Variants in C12orf54 observed in about 807,000 individuals in gnomAD.
C12orf54 encodes uncharacterized protein C12orf54.
In C12orf54, 24 loss-of-function variants were observed where a neutral mutation model predicts 26.4. The ratio of observed to expected loss-of-function variants is 0.91; its 90% CI spans 0.66 to 1.28. C12orf54 has a LOEUF of 1.28. Ranked by LOEUF, C12orf54 falls within the 50% of genes most tolerant of loss-of-function variation. The pLI is 0.00. For missense variants in C12orf54, 154 were observed against 150.9 expected (o/e 1.02, Z -0.11); for synonymous variants, 54 against 47.0 (o/e 1.15, Z -0.61).
chr12:48,489,383 C>T (rs1297032744), intron 5 of C12orf54: 3 of 294,880 alleles, frequency 1.0e-5, no homozygotes, highest in Non-Finnish European at 2.0e-5. Context: ...TCTTCCTCTG[C>T]TCTCCTCGGC....
At chr12:48,477,382 G>A in the C12orf54 span, among the ~76,000 whole-genome samples, 1 of 152,060 alleles carries the variant, frequency 6.6e-6, no homozygotes, top group African/African-American at 2.4e-5. Flanking sequence ...CAGAAGGCAA[G>A]AAATAACAAA....
intron 7 of C12orf54, among the ~76,000 whole-genome samples, chr12:48,493,627 TAAAAAAA>T (rs10535607): frequency 3.0e-4 from 37 of 124,334 alleles, no homozygotes; most frequent in Non-Finnish European, 4.6e-4. Context: ...ACTGTCTCAT[TAAAAAAA>T]AAAAAAAAAA....
At chr12:48,452,837 AT>A in the C12orf54 span, among the ~76,000 whole-genome samples, 1 of 152,168 alleles carries the variant, frequency 6.6e-6, no homozygotes, top group African/African-American at 2.4e-5. Flanking sequence ...ATTATTAAAA[AT>A]AACAGAACTA....
chr12:48,438,291 G>C, the C12orf54 span, among the ~76,000 whole-genome samples: 1 of 152,182 alleles, frequency 6.6e-6, no homozygotes, highest in Non-Finnish European at 1.5e-5. Context: ...ATGCTCATTG[G>C]TAGGAAGAAT....
At chr12:48,481,392 A>G (rs4760712), upstream of C12orf54, among the ~76,000 whole-genome samples, 22,385 of 151,888 alleles carry the variant, frequency 0.15, 2,864 homozygotes, top group East Asian at 0.66. Flanking sequence ...ATTATGATGG[A>G]AATGGCCCTG....
At chr12:48,418,038 G>T in the C12orf54 span, among the ~76,000 whole-genome samples, 1 of 152,116 alleles carries the variant, frequency 6.6e-6, no homozygotes. Context: ...AATTTAGATA[G>T]AAAACAGACC....
chr12:48,486,637 T>C lies in C12orf54; in HGVS notation c.97-51T>C, dbSNP rs370743498. On this transcript the variant is annotated intron_variant, in intron 3 of 8. Transcript: ENST00000548364. ...CAGTTTCATAATGTGTCACTTCAGATTCTGGGAGAGTTGGGATATTGTTTC... is the reference window on the plus strand; with the variant it reads ...CAGTTTCATAATGTGTCACTTCAGACTCTGGGAGAGTTGGGATATTGTTTC... 300 of 1,553,152 alleles carry C rather than the reference T, an allele frequency of 1.9e-4. No individual in the cohort carries two copies. The African/African-American group carries it at 3.7e-3, about 19-fold the overall frequency.
intron 7 of C12orf54, 99 bp downstream of exon 7, chr12:48,493,094 C>A: frequency 1.8e-6 from 2 of 1,118,678 alleles, no homozygotes; most frequent in Non-Finnish European, 1.3e-6. Context: ...CTTGAGCCTT[C>A]AGAAGCCTGT....
At chr12:48,449,494 C>G in the C12orf54 span, among the ~76,000 whole-genome samples, 1 of 152,048 alleles carries the variant, frequency 6.6e-6, no homozygotes, top group Non-Finnish European at 1.5e-5. Flanking sequence ...GGCCATGACT[C>G]CCCAGACTGC....
intron 6 of C12orf54, 81 bp from the exon 7 acceptor site, chr12:48,492,866 A>T (rs957650505): frequency 2.3e-6 from 3 of 1,293,820 alleles, no homozygotes; most frequent in African/African-American, 1.5e-5. Context: ...CTATACTTCA[A>T]ATCAAGGATG....
At chr12:48,493,861 T>C (rs1402318340) in intron 7 of C12orf54, among the ~76,000 whole-genome samples, 1 of 151,340 alleles carries the variant, frequency 6.6e-6, no homozygotes, top group Non-Finnish European at 1.5e-5. Context: ...GAAATAGGAC[T>C]AGGTAGTCAA....
chr12:48,488,271 G>T, intron 4 of C12orf54: 1 of 596,048 alleles, frequency 1.7e-6, no homozygotes, highest in Non-Finnish European at 3.1e-6. Flanking sequence ...TAAAGGTCTG[G>T]AGGATTAGCG....
the C12orf54 span, among the ~76,000 whole-genome samples, chr12:48,423,175 A>G: frequency 6.6e-6 from 1 of 152,170 alleles, no homozygotes; most frequent in African/African-American, 2.4e-5. Flanking sequence ...AGAAGAGAAC[A>G]TGTAGACAAC....
chr12:48,449,288 T>A, the C12orf54 span, among the ~76,000 whole-genome samples: 34 of 152,326 alleles, frequency 2.2e-4, no homozygotes, highest in African/African-American at 7.7e-4. Flanking sequence ...TAATAGAGAT[T>A]CTTTACAGAT....
the C12orf54 span, among the ~76,000 whole-genome samples, chr12:48,419,235 G>T: frequency 1.3e-5 from 2 of 152,108 alleles, no homozygotes; most frequent in African/African-American, 4.8e-5. Context: ...CAGGATATAC[G>T]AAAATAAACA....
chr12:48,434,148 T>A, the C12orf54 span, among the ~76,000 whole-genome samples: 1 of 152,108 alleles, frequency 6.6e-6, no homozygotes, highest in Non-Finnish European at 1.5e-5. Context: ...CCTACACCCA[T>A]GGAGCCTCGC....
the C12orf54 span, among the ~76,000 whole-genome samples, chr12:48,420,626 A>G: frequency 6.6e-6 from 1 of 152,192 alleles, no homozygotes; most frequent in Non-Finnish European, 1.5e-5. Flanking sequence ...CTTAGATGCC[A>G]ATTTGTAAAC....
the C12orf54 span, among the ~76,000 whole-genome samples, chr12:48,469,442 T>C: frequency 6.6e-6 from 1 of 152,208 alleles, no homozygotes; most frequent in Non-Finnish European, 1.5e-5. Flanking sequence ...AGTCAGACTT[T>C]ATGGTTATCT....
chr12:48,478,238 G>A (rs1319827616), upstream of C12orf54, among the ~76,000 whole-genome samples: 1 of 152,122 alleles, frequency 6.6e-6, no homozygotes, highest in Non-Finnish European at 1.5e-5. Context: ...GGTATTGATG[G>A]AACTTATCTC....
Sources: allele counts gnomAD v4.1 joint callset (sites outside exome capture counted in the v4.1 genomes callset), GRCh38; gene constraint gnomAD v4.1.1; transcripts MANE v1.5; gene names NCBI Gene and HGNC (gene_info 2026-07-23, HGNC 2026-07-21).